CDHR1: variants seen among roughly 807,000 people sequenced by gnomAD.
The protein encoded by CDHR1 is cadherin related family member 1.
In CDHR1, 61 loss-of-function variants were observed where a neutral mutation model predicts 72.1. The observed-to-expected ratio is 0.85, with a 90% CI of 0.69 to 1.05. The LOEUF (loss-of-function observed/expected upper bound fraction) is 1.05, where lower values mean the gene tolerates loss of function less well. Ranked by LOEUF, CDHR1 falls within the 50% of genes least tolerant of loss-of-function variation. The pLI is 0.00. For synonymous variants in CDHR1, 470 were observed against 448.1 expected (o/e 1.05, Z -0.62); for missense variants, 1,186 against 1,115.7 (o/e 1.06, Z -0.90).
intron 5 of CDHR1, 84 bp downstream of exon 5, chr10:84,199,205 G>T (rs1589295565): frequency 9.2e-7 from 1 of 1,082,386 alleles, no homozygotes; most frequent in East Asian, 2.6e-5. Flanking sequence ...CCTGGCCATG[G>T]CTCACTGCCC....
chr10:84,201,680 A>G lies in CDHR1; in HGVS notation c.526-127A>G, dbSNP rs1166466048. The G allele has an allele frequency of 5.4e-6, 4 of 747,424 alleles. No homozygotes were observed. In the African/African-American group the frequency reaches 6.9e-5, roughly 13 times the overall value. 46.3% of individuals were successfully genotyped at this position (747,424 alleles called of 1,614,324 possible). On this transcript the variant is annotated intron_variant, in intron 6 of 16. Coordinates refer to ENST00000623527, the MANE Select transcript of CDHR1 (RefSeq NM_033100.4). ...GGACCAGAAAAGCTGAGTGCTCTGAAGTAGGAACCTCAGCCCTGAGGTCCT... is the reference window on the plus strand; with the variant it reads ...GGACCAGAAAAGCTGAGTGCTCTGAGGTAGGAACCTCAGCCCTGAGGTCCT...
At position 84,215,514 on chromosome 10, in the gene CDHR1, C is replaced by G; in HGVS notation, c.*893C>G. 1.0e-6 allele frequency: 1 copy of G among 952,632 alleles called. No individual in the cohort carries two copies. The highest frequency in any genetic ancestry group is 1.2e-6 in the Non-Finnish European group (1 of 800,210). 59.0% of individuals were successfully genotyped at this position (952,632 alleles called of 1,614,324 possible). A position where few individuals can be genotyped will look rare whatever the true frequency, so the allele number is the denominator to read the frequency against. ...GTGAGACTTCCGTTTTTATCCAGCT[C>G]TTTTGCTCACATCGCGTAACCTTGG... On this transcript the variant is annotated 3_prime_UTR_variant, in exon 17 of 17. Transcript: ENST00000623527.
intron 5 of CDHR1, 105 bp downstream of exon 5, chr10:84,199,226 C>T (rs1176478955): frequency 1.2e-6 from 1 of 852,106 alleles, no homozygotes; most frequent in African/African-American, 1.7e-5. Context: ...TGTGGAGAAC[C>T]TCTCTGTCAC....
At position 84,215,989 on chromosome 10, in the gene CDHR1, T is replaced by A. The variant is rs1471546063; in HGVS notation, c.*1368T>A. ...TGCTTGAGGCCACACAGCAGGTTGG[T>A]AGCAAAGATCTTGTCTAGCCAGGGC... On this transcript the variant is annotated 3_prime_UTR_variant, in exon 17 of 17. Coordinates refer to ENST00000623527, the MANE Select transcript of CDHR1 (RefSeq NM_033100.4). 1.1e-5 allele frequency: 11 copies of A among 984,588 alleles called. No homozygotes were observed. The highest frequency in any genetic ancestry group is 1.3e-5 in the Non-Finnish European group (11 of 829,944). 61.0% of individuals were successfully genotyped at this position (984,588 alleles called of 1,614,324 possible). A position where few individuals can be genotyped will look rare whatever the true frequency, so the allele number is the denominator to read the frequency against.
intron 2 of CDHR1, 68 bp downstream of exon 2, chr10:84,195,657 G>T: frequency 7.2e-7 from 1 of 1,390,006 alleles, no homozygotes; most frequent in Non-Finnish European, 1.0e-6. Context: ...AGAACACAAA[G>T]TGCCCCAGGC....
In CDHR1 at chr10:84,194,768, G is replaced by A. The variant is rs1356129961; in HGVS notation, c.8G>A (p.Arg3His). The A allele has an allele frequency of 1.3e-6, 2 of 1,521,392 alleles. No homozygotes were observed. Among genetic ancestry groups the A allele is most frequent in the Non-Finnish European group, 1.8e-6 (2 of 1,141,046 alleles). 94.2% of individuals were successfully genotyped at this position (1,521,392 alleles called of 1,614,324 possible). The change falls in exon 1 of 17, where the codon CGC becomes CAC. Residue 3 changes from arginine to histidine, a missense_variant. By Grantham distance (29) the Arg-to-His change is conservative (BLOSUM62 0). Transcript: ENST00000623527. ...CTCCGCGCCGGCGGAGACATGAGGCGCTGCCGGTGGGCCGCCCTGGCCCTG... is the reference window on the plus strand; with the variant it reads ...CTCCGCGCCGGCGGAGACATGAGGCACTGCCGGTGGGCCGCCCTGGCCCTG... Reference protein sequence around the residue: MRRCRWAALALGL... With the variant: MRHCRWAALALGL...
At chr10:84,212,032 G>A in intron 14 of CDHR1, 147 bp from the exon 15 acceptor site, 2 of 743,460 alleles carry the variant, frequency 2.7e-6, no homozygotes, top group Admixed American at 2.0e-5. Context: ...AGATTGCAAG[G>A]ATAGGAGGGA....
Position 84,212,230 on chromosome 10 carries a change from C to G in CDHR1, c.1605C>G (p.Ser535Arg), listed in dbSNP as rs778162035. The G allele has an allele frequency of 1.2e-6, 2 of 1,614,238 alleles. No individual in the cohort carries two copies. The highest frequency in any genetic ancestry group is 4.5e-5 in the East Asian group (2 of 44,890). ...TTATCTACACCCAGCCCTGGGCTAG[C>G]CTGGACGCTGAGGCCACTGCCAGGT... is the stretch of plus-strand genomic sequence containing the variant. Reference protein sequence around the residue: ...TGLIYTQPWASLDAEATARYN... With the variant: ...TGLIYTQPWARLDAEATARYN... Residue 535 changes from serine to arginine, a missense_variant, in exon 15 of 17, where the codon AGC becomes AGG. Physicochemically the swap from Ser to Arg is moderately radical, Grantham distance 110 (BLOSUM62 -1). Coordinates refer to ENST00000623527, the MANE Select transcript of CDHR1 (RefSeq NM_033100.4).
Position 84,217,043 on chromosome 10 carries a change from G to A in CDHR1, c.*2422G>A, listed in dbSNP as rs983427132. 9.1e-6 allele frequency: 9 copies of A among 985,550 alleles called. No individual in the cohort carries two copies. The Admixed American group carries it at 3.7e-4, about 40-fold the overall frequency. The allele number at this position is 985,550 out of a possible 1,614,324, so 61.1% of individuals were successfully genotyped here. A position where few individuals can be genotyped will look rare whatever the true frequency, so the allele number is the denominator to read the frequency against. On this transcript the variant is annotated 3_prime_UTR_variant, in exon 17 of 17. Transcript: ENST00000623527. ...CCAATCTTGCAAACTGGCCATGGAT[G>A]GGGAAGTGCCCGGTAGCCAGCATGA...
In CDHR1 at chr10:84,212,039, G is replaced by A. The variant is rs138921682; in HGVS notation, c.1554-140G>A. The stretch of plus-strand genomic sequence containing the variant: ...CCTCACTTAGATTGCAAGGATAGGA[G>A]GGAGCAGGTAGGACACTTTGGAGGA... On this transcript the variant is annotated intron_variant, in intron 14 of 16. Coordinates refer to ENST00000623527, the MANE Select transcript of CDHR1 (RefSeq NM_033100.4). 5.2e-3 allele frequency: 3,948 copies of A among 763,844 alleles called. 40 individuals are homozygous for A. Among genetic ancestry groups the A allele is most frequent in the Non-Finnish European group, 5.1e-3 (2,252 of 438,928 alleles). 47.3% of individuals were successfully genotyped at this position (763,844 alleles called of 1,614,324 possible).
intron 8 of CDHR1, among the ~76,000 whole-genome samples, chr10:84,203,464 G>C (rs1842168543): frequency 1.3e-5 from 2 of 152,228 alleles, no homozygotes; most frequent in South Asian, 2.1e-4. Flanking sequence ...CGCCAGGCTG[G>C]AGTGCAATGG....
At chr10:84,202,002 A>T (rs11200922) in intron 7 of CDHR1, 82 bp downstream of exon 7, 3 of 1,024,390 alleles carry the variant, frequency 2.9e-6, no homozygotes, top group Non-Finnish European at 4.4e-6. Flanking sequence ...GGGGAGTGGG[A>T]GCAGTTTGGA....
chr10:84,213,462 C>G, intron 16 of CDHR1, 114 bp downstream of exon 16: 1 of 1,416,952 alleles, frequency 7.1e-7, no homozygotes, highest in Non-Finnish European at 9.9e-7. Flanking sequence ...AGACACTCAA[C>G]GTTATCAAAG....
At chr10:84,210,858 C>A in intron 12 of CDHR1, 143 bp from the exon 13 acceptor site, 1 of 891,780 alleles carries the variant, frequency 1.1e-6, no homozygotes, top group South Asian at 1.3e-5. Context: ...GTGACCCTTA[C>A]AGGAATAGCT....
Position 84,217,728 on chromosome 10 carries a change from CCTGTAGGTCCAGAAG to C in CDHR1, c.*3110_*3124del. ...TCACCCCCCAGGATGTTTCCACCCA[CCTGTAGGTCCAGAAG>C]CTTTTACTTCATGCTAGAAAAAGAG... On this transcript the variant is annotated 3_prime_UTR_variant, in exon 17 of 17. Transcript: ENST00000623527. 1.0e-6 allele frequency: 1 copy of C among 985,482 alleles called. No homozygotes were observed. Among genetic ancestry groups the C allele is most frequent in the African/African-American group, 1.7e-5 (1 of 57,354 alleles). 61.0% of individuals were successfully genotyped at this position (985,482 alleles called of 1,614,324 possible).
chr10:84,205,889 G>C lies in CDHR1; in HGVS notation c.925G>C (p.Ala309Pro). ...SGAISITQSP[A>P]QLQREVYELH... ...AGCCATCTCCATCACTCAGAGCCCG[G>C]CCCAGCTCCAGAGAGAGGTGTATGA... is the stretch of plus-strand genomic sequence containing the variant. The change falls in exon 10 of 17, where the codon GCC becomes CCC. Residue 309 changes from alanine to proline, a missense_variant. Ala to Pro is a conservative substitution (Grantham distance 27). Transcript: ENST00000623527. 1 of 1,614,088 alleles carries C rather than the reference G, an allele frequency of 6.2e-7. No homozygotes were observed. The highest frequency in any genetic ancestry group is 8.5e-7 in the Non-Finnish European group (1 of 1,179,994).
At chr10:84,205,771 C>A in intron 9 of CDHR1, 56 bp from the exon 10 acceptor site, 1 of 1,217,412 alleles carries the variant, frequency 8.2e-7, no homozygotes, top group Non-Finnish European at 1.2e-6. Context: ...TGGCACGACT[C>A]CCCTGCGCCT....
chr10:84,196,998 G>A (rs1313176859), intron 3 of CDHR1, among the ~76,000 whole-genome samples: 1 of 152,214 alleles, frequency 6.6e-6, no homozygotes, highest in African/African-American at 2.4e-5. Context: ...TCCTGGGAGA[G>A]GCACAGGAAC....
Position 84,215,201 on chromosome 10 carries a change from C to G in CDHR1, c.*580C>G, listed in dbSNP as rs1020188517. 2 of 996,740 alleles carry G rather than the reference C, an allele frequency of 2.0e-6. No individual in the cohort carries two copies. The highest frequency in any genetic ancestry group is 1.7e-5 in the African/African-American group (1 of 57,428). The allele number at this position is 996,740 out of a possible 1,614,324, so 61.7% of individuals were successfully genotyped here. A position where few individuals can be genotyped will look rare whatever the true frequency, so the allele number is the denominator to read the frequency against. On this transcript the variant is annotated 3_prime_UTR_variant, in exon 17 of 17. Transcript: ENST00000623527. Reference sequence around the variant, plus strand: ...AAACACACTGACTGTGGGACTGTGCCAGGATGCATTTGGAAAGATAGAGCA... The same window carrying G: ...AAACACACTGACTGTGGGACTGTGCGAGGATGCATTTGGAAAGATAGAGCA...
Sources: gnomAD v4.1 joint callset for allele counts (sites outside exome capture counted in the v4.1 genomes callset) on GRCh38, gnomAD v4.1.1 for gene constraint, MANE v1.5 for transcripts, NCBI Gene and HGNC (gene_info 2026-07-23, HGNC 2026-07-21) for gene names.